CADPS: variants seen among roughly 807,000 people sequenced by gnomAD.
CADPS encodes calcium-dependent secretion activator 1.
CADPS carries 57 observed loss-of-function variants against 167.3 expected under a neutral mutation model. That is an observed-to-expected ratio of 0.34 (90% CI 0.28 to 0.42). The LOEUF is 0.42. Ranked by LOEUF, CADPS falls within the 20% of genes least tolerant of loss-of-function variation. The probability of loss-of-function intolerance (pLI) is 1.00; values close to 1 mark genes in which losing one functional copy is unlikely to be tolerated. For synonymous variants in CADPS, 676 were observed against 635.3 expected, an observed-to-expected ratio of 1.06 and a Z score of -0.96; for missense variants, 1,414 against 1,738.1, an observed-to-expected ratio of 0.81 and a Z score of 3.32.
chr3:62,489,839 T>C (rs778647780), intron 21 of CADPS, among the ~76,000 whole-genome samples: 7 of 152,176 alleles, frequency 4.6e-5, no homozygotes, highest in Admixed American at 2.6e-4. Context: ...GTATTGAACA[T>C]TGAAAAAAAA....
intron 3 of CADPS, among the ~76,000 whole-genome samples, chr3:62,701,167 C>A (rs914103124): frequency 6.6e-6 from 1 of 152,150 alleles, no homozygotes; most frequent in Non-Finnish European, 1.5e-5. Context: ...GGGAGGGACA[C>A]AAACATTCAG....
chr3:62,780,889 G>T (rs1445706249), intron 1 of CADPS, among the ~76,000 whole-genome samples: 1 of 152,078 alleles, frequency 6.6e-6, no homozygotes, highest in African/African-American at 2.4e-5. Context: ...TTTTAACTTT[G>T]TGAAAAATAT....
At chr3:62,721,842 G>A (rs955119011) in intron 3 of CADPS, among the ~76,000 whole-genome samples, 1 of 152,136 alleles carries the variant, frequency 6.6e-6, no homozygotes, top group East Asian at 1.9e-4. Flanking sequence ...AGGAAACAGA[G>A]GTAGGGGAAG....
chr3:62,758,331 AATG>A (rs2084511437), intron 2 of CADPS, among the ~76,000 whole-genome samples: 1 of 152,212 alleles, frequency 6.6e-6, no homozygotes, highest in African/African-American at 2.4e-5. Flanking sequence ...AGATGAGTGG[AATG>A]ATAAGAACAT....
chr3:62,717,441 C>G (rs754773738), intron 3 of CADPS, among the ~76,000 whole-genome samples: 2 of 152,154 alleles, frequency 1.3e-5, no homozygotes, highest in Admixed American at 1.3e-4. Context: ...ATAACTTGCA[C>G]AAAAGAGAAA....
At chr3:62,659,550 C>G (rs903499870) in intron 4 of CADPS, among the ~76,000 whole-genome samples, 1 of 152,118 alleles carries the variant, frequency 6.6e-6, no homozygotes, top group Non-Finnish European at 1.5e-5. Flanking sequence ...GTCTCTGTTT[C>G]TATGTGTTGG....
chr3:62,785,094 C>T (rs1413254586), intron 1 of CADPS, among the ~76,000 whole-genome samples: 2 of 151,962 alleles, frequency 1.3e-5, no homozygotes, highest in East Asian at 3.9e-4. Flanking sequence ...ATAGGGAGCA[C>T]ACATGAAAGA....
intron 6 of CADPS, among the ~76,000 whole-genome samples, chr3:62,634,030 G>C (rs1056980264): frequency 6.6e-6 from 1 of 152,100 alleles, no homozygotes; most frequent in African/African-American, 2.4e-5. Context: ...GAAATATTTT[G>C]GGGCCAGCTC....
At chr3:62,754,131 T>C (rs1456263669) in intron 2 of CADPS, among the ~76,000 whole-genome samples, 2 of 152,208 alleles carry the variant, frequency 1.3e-5, no homozygotes, top group Non-Finnish European at 2.9e-5. Context: ...AACCTCTTTG[T>C]ACCTCAGTGT....
At chr3:62,409,260 T>C (rs1280008335) in intron 28 of CADPS, among the ~76,000 whole-genome samples, 8 of 152,240 alleles carry the variant, frequency 5.3e-5, no homozygotes, top group Non-Finnish European at 1.2e-4. Context: ...AACTTGGTAC[T>C]TTATAGAAGT....
At chr3:62,868,563 G>A (rs1287090004) in intron 1 of CADPS, among the ~76,000 whole-genome samples, 2 of 152,060 alleles carry the variant, frequency 1.3e-5, no homozygotes, top group Admixed American at 1.3e-4. Context: ...TTCACAATTT[G>A]AAAAGCGCTT....
At chr3:62,821,541 T>C (rs2094920020) in intron 1 of CADPS, among the ~76,000 whole-genome samples, 1 of 152,118 alleles carries the variant, frequency 6.6e-6, no homozygotes, top group Non-Finnish European at 1.5e-5. Flanking sequence ...CTCCATCTTC[T>C]CATGGCTGTC....
chr3:62,538,847 T>C (rs559443483), intron 11 of CADPS, among the ~76,000 whole-genome samples: 3 of 152,272 alleles, frequency 2.0e-5, no homozygotes, highest in Admixed American at 6.5e-5. Flanking sequence ...ACTCAGGAAA[T>C]GGATCTGAAA....
chr3:62,567,817 C>A (rs145497982), intron 9 of CADPS, among the ~76,000 whole-genome samples: 1 of 151,958 alleles, frequency 6.6e-6, no homozygotes, highest in Non-Finnish European at 1.5e-5. Flanking sequence ...CCATGTGATC[C>A]GCCCTCCTCA....
intron 3 of CADPS, among the ~76,000 whole-genome samples, chr3:62,711,575 G>C (rs1156915990): frequency 1.3e-5 from 2 of 152,224 alleles, no homozygotes; most frequent in African/African-American, 4.8e-5. Context: ...TAGCTAGTGA[G>C]AGTGATTAGC....
chr3:62,757,194 T>C (rs1399170784), intron 2 of CADPS, among the ~76,000 whole-genome samples: 1 of 152,152 alleles, frequency 6.6e-6, no homozygotes, highest in Non-Finnish European at 1.5e-5. Context: ...CAATCAACAA[T>C]GAAGCTATAT....
intron 1 of CADPS, among the ~76,000 whole-genome samples, chr3:62,836,727 T>C (rs999953616): frequency 6.6e-6 from 1 of 152,190 alleles, no homozygotes; most frequent in Admixed American, 6.6e-5. Context: ...TGAAGCTTCA[T>C]CCTGAAGGCT....
chr3:62,820,739 C>T (rs1456543403), intron 1 of CADPS, among the ~76,000 whole-genome samples: 1 of 151,972 alleles, frequency 6.6e-6, no homozygotes, highest in Admixed American at 6.6e-5. Context: ...GACCAATCTT[C>T]CCTTTCTCCT....
rs2068504055 is a variant in CADPS at position 62,514,323 on chromosome 3, C to T, written c.2582-1555G>A. On this transcript the variant is annotated intron_variant, in intron 16 of 29. Transcript: ENST00000383710. The surrounding 1 kb of genome is among the most constrained non-coding windows in gnomAD (Gnocchi z 4.2). ...GAGGATGTTGGGTTGTCTGAATTAA[C>T]AATCCCAGCATGCTTTGAAATTGGT... Among the ~76,000 whole-genome samples the T allele has an allele frequency of 6.6e-6, 1 of 152,042 alleles. No individual in the cohort carries two copies. The highest frequency in any genetic ancestry group is 1.5e-5 in the Non-Finnish European group (1 of 67,984).
Sources: gnomAD v4.1 joint callset for allele counts (sites outside exome capture counted in the v4.1 genomes callset) on GRCh38, gnomAD v4.1.1 for gene constraint, Gnocchi (gnomAD v3.1) non-coding constraint, MANE v1.5 for transcripts, NCBI Gene and HGNC (gene_info 2026-07-23, HGNC 2026-07-21) for gene names.